The following SYNE2 variants were observed in gnomAD, a reference collection of about 807,000 sequenced individuals.
The protein encoded by SYNE2 is spectrin repeat containing nuclear envelope protein 2.
Under a neutral mutation model 856.3 loss-of-function variants are expected in SYNE2, and 431 were observed. The observed-to-expected ratio is 0.50, with a 90% CI of 0.47 to 0.55. The LOEUF is 0.55. SYNE2 is among the 20% of genes least tolerant of loss of function. The pLI is 0.00. For synonymous variants in SYNE2, 2,923 were observed against 2,872.3 expected, an observed-to-expected ratio of 1.02 and a Z score of -0.56; for missense variants, 8,129 against 8,023.2, an observed-to-expected ratio of 1.01 and a Z score of -0.50.
chr14:64,059,120 C>G (rs991451321), intron 49 of SYNE2, among the ~76,000 whole-genome samples: 2 of 152,162 alleles, frequency 1.3e-5, no homozygotes, highest in Non-Finnish European at 2.9e-5. Flanking sequence ...TTTGAATTCT[C>G]TGTCTGAAAG....
Position 64,165,535 on chromosome 14 carries a change from C to T in SYNE2, c.16605+125C>T, listed in dbSNP as rs1432280374. 34 of 995,792 alleles carry T rather than the reference C, an allele frequency of 3.4e-5. 1 individual carries two copies. Among genetic ancestry groups the T allele is most frequent in the Middle Eastern group, 6.7e-4 (2 of 2,978 alleles). The allele number at this position is 995,792 out of a possible 1,614,324, so 61.7% of individuals were successfully genotyped here. ...TCACTCTTATTTTTTTTTTTTGAGACGGACTCTCGCTCTGTCACCCAGGCT... is the reference window on the plus strand; with the variant it reads ...TCACTCTTATTTTTTTTTTTTGAGATGGACTCTCGCTCTGTCACCCAGGCT... On this transcript the variant is annotated intron_variant, in intron 90 of 115. Transcript: ENST00000555002.
chr14:64,083,220 T>TG (rs1172457680), intron 57 of SYNE2, among the ~76,000 whole-genome samples: 1 of 152,026 alleles, frequency 6.6e-6, no homozygotes, highest in Admixed American at 6.6e-5. Flanking sequence ...CATTTTTTTT[T>TG]CTTTTCTTCC....
chr14:63,994,762 A>G (rs1242858767), intron 22 of SYNE2, among the ~76,000 whole-genome samples: 1 of 152,078 alleles, frequency 6.6e-6, no homozygotes, highest in Non-Finnish European at 1.5e-5. Flanking sequence ...GGGCTCAGTT[A>G]TCTGTTTTGC....
At chr14:63,977,803 A>AT (rs533153218) in intron 12 of SYNE2, 102 bp from the exon 13 acceptor site, 418 of 836,974 alleles carry the variant, frequency 5.0e-4, no homozygotes, top group Non-Finnish European at 6.3e-4. Flanking sequence ...GGGTTTTATG[A>AT]TTTTTTTTTG....
rs767578236 is a variant in SYNE2 at position 64,031,051 on chromosome 14, A to G, written c.6915A>G (p.Thr2305=). 3.0e-5 allele frequency: 48 copies of G among 1,613,960 alleles called. No individual in the cohort carries two copies. In the South Asian group the frequency reaches 4.9e-4, roughly 17 times the overall value. Residue 2305 remains threonine (T), a synonymous_variant, in exon 45 of 116, where the codon ACA becomes ACG. Transcript: ENST00000555002. ...ATAGACTCAGTTTACAAGATGGCAC[A>G]TTAAAGAAGATTTTAGCTTTAGCAA... ...LENRLSLQDG[T]LKKILALAKS...
At chr14:63,864,491 G>A (rs1054872341) in intron 1 of SYNE2, 4 of 152,220 alleles carry the variant, frequency 2.6e-5, no homozygotes, top group African/African-American at 9.6e-5. Flanking sequence ...CCTTGGGTGA[G>A]TCATCATGTT....
rs1278059776 is a variant in SYNE2 at position 63,800,241 on chromosome 14, T to G, written c.-305+38255T>G. Among the ~76,000 whole-genome samples the G allele has an allele frequency of 3.3e-5, 5 of 152,192 alleles. No homozygotes were observed. The South Asian group carries it at 1.0e-3, about 32-fold the overall frequency. ...ATAATAGGTTTTTTGGTTTTTTTTT[T>G]GAGACGGAGTCTCCTTCTGTTGCCC... On this transcript the variant is annotated intron_variant, in intron 1 of 23. Transcript: ENST00000674003.
intron 51 of SYNE2, among the ~76,000 whole-genome samples, chr14:64,067,856 G>A (rs1321852914): frequency 6.6e-6 from 1 of 152,138 alleles, no homozygotes; most frequent in East Asian, 1.9e-4. Flanking sequence ...CATTGTCAAA[G>A]ATAATTGGAG....
chr14:64,190,536 A>G (rs2098513134), intron 99 of SYNE2: 1 of 682,378 alleles, frequency 1.5e-6, no homozygotes. Context: ...TTGTTTAGAA[A>G]TTCTGCCTCT....
intron 114 of SYNE2, 126 bp downstream of exon 114, chr14:64,224,673 T>G: frequency 9.6e-7 from 1 of 1,040,766 alleles, no homozygotes. Context: ...TGCTGACCCA[T>G]AGAGAGGCTT....
intron 1 of SYNE2, among the ~76,000 whole-genome samples, chr14:63,771,195 G>A (rs551776777): frequency 1.4e-4 from 21 of 148,358 alleles, no homozygotes; most frequent in Admixed American, 1.1e-3. Flanking sequence ...TCAGCCTCCC[G>A]AGTAGCTGGG....
chr14:64,100,413 G>C (rs1448459491), intron 63 of SYNE2: 1 of 150,094 alleles, frequency 6.7e-6, no homozygotes, highest in Non-Finnish European at 1.5e-5. Flanking sequence ...CTACTTGGGA[G>C]GCTGAGGCAG....
intron 92 of SYNE2, 122 bp downstream of exon 92, chr14:64,167,761 T>TA: frequency 7.5e-7 from 1 of 1,341,798 alleles, no homozygotes; most frequent in South Asian, 1.3e-5. Flanking sequence ...TGTATACCTT[T>TA]AAGCAAATTC....
At chr14:64,056,554 T>C (rs988283836) in intron 49 of SYNE2, among the ~76,000 whole-genome samples, 1 of 152,034 alleles carries the variant, frequency 6.6e-6, no homozygotes, top group African/African-American at 2.4e-5. Flanking sequence ...GTAATAATGA[T>C]AAAACTAATA....
chr14:63,840,450 C>CCTTA (rs1890023885), intron 1 of SYNE2, among the ~76,000 whole-genome samples: 1 of 27,522 alleles, frequency 3.6e-5, no homozygotes, highest in Non-Finnish European at 1.2e-4. Context: ...TTCCTTCCTT[C>CCTTA]CTCCCTCCCT....
At chr14:63,814,586 A>G (rs1183758167) in intron 1 of SYNE2, among the ~76,000 whole-genome samples, 7 of 138,628 alleles carry the variant, frequency 5.0e-5, no homozygotes, top group African/African-American at 1.6e-4. Flanking sequence ...GTATCCATAT[A>G]TATAATATAG....
Position 63,942,094 on chromosome 14 carries a change from AC to A in SYNE2, c.362del (p.Pro121HisfsTer7). 1.2e-6 allele frequency: 2 copies of A among 1,611,784 alleles called. No homozygotes were observed. The highest frequency in any genetic ancestry group is 1.1e-5 in the South Asian group (1 of 91,040). On this transcript the variant is annotated frameshift_variant, in exon 6 of 116. Transcript: ENST00000555002. LOFTEE classifies it high-confidence loss of function. ...CATGTTACTGATATCATTGATGGAAACCCATCCATTATCCTTGGCCTAATTT... is the reference window on the plus strand; with the variant it reads ...CATGTTACTGATATCATTGATGGAAACCATCCATTATCCTTGGCCTAATTT... ...NIHVTDIIDG[N>X]PSIILGLIWT...
At chr14:63,828,568 G>T (rs961213899) in intron 1 of SYNE2, among the ~76,000 whole-genome samples, 1 of 152,024 alleles carries the variant, frequency 6.6e-6, no homozygotes, top group Non-Finnish European at 1.5e-5. Flanking sequence ...GAGCCCAGGA[G>T]TTCAAGATCA....
chr14:63,930,550 T>A (rs896941533), intron 2 of SYNE2, among the ~76,000 whole-genome samples: 3 of 150,122 alleles, frequency 2.0e-5, no homozygotes, highest in East Asian at 1.9e-4. Context: ...TTTTTTTTTT[T>A]AAAGACAGAG....
Sources: gnomAD v4.1 joint callset for allele counts (sites outside exome capture counted in the v4.1 genomes callset) on GRCh38, gnomAD v4.1.1 for gene constraint, MANE v1.5 for transcripts, NCBI Gene and HGNC (gene_info 2026-07-23, HGNC 2026-07-21) for gene names.